Variants in MAD1L1 observed in about 807,000 individuals in gnomAD.
MAD1L1 encodes the protein mitotic spindle assembly checkpoint protein MAD1.
Under a neutral mutation model 96.9 loss-of-function variants are expected in MAD1L1, and 95 were observed. That is an observed-to-expected ratio of 0.98 (90% confidence interval 0.83 to 1.16). The LOEUF (loss-of-function observed/expected upper bound fraction) is 1.16, where lower values mean the gene tolerates loss of function less well. Ranked by LOEUF, MAD1L1 falls within the 50% of genes most tolerant of loss-of-function variation. The pLI, the probability that MAD1L1 is intolerant of heterozygous loss-of-function variation, is 0.00. For missense variants in MAD1L1, 1,007 were observed against 954.4 expected, an observed-to-expected ratio of 1.06 and a Z score of -0.73; for synonymous variants, 473 against 396.6, an observed-to-expected ratio of 1.19 and a Z score of -2.29.
chr7:2,117,440 T>G (rs1787764734), intron 11 of MAD1L1, among the ~76,000 whole-genome samples: 1 of 152,190 alleles, frequency 6.6e-6, no homozygotes, highest in Non-Finnish European at 1.5e-5. Context: ...TATGATATGG[T>G]CTGACTGTGT....
rs748289049 is a variant in MAD1L1 at position 1,817,866 on chromosome 7, CCGCCCTGATGGTGT to C, written c.1999-1652_1999-1639del. 8.5e-5 allele frequency among the ~76,000 whole-genome samples: 13 copies of C among 152,086 alleles called. No individual in the cohort carries two copies. In the East Asian group the frequency reaches 1.2e-3, roughly 14 times the overall value. Reference sequence around the variant, plus strand: ...CACCGGAGCATGCCTGGGCTGGGCCCCGCCCTGATGGTGTCGCCCCTCCCCTCACCACCTTTGGA... The same window carrying C: ...CACCGGAGCATGCCTGGGCTGGGCCCCGCCCCTCCCCTCACCACCTTTGGA... On this transcript the variant is annotated intron_variant, in intron 18 of 18. Transcript: ENST00000265854.
At chr7:2,127,473 C>T (rs1195991350) in intron 11 of MAD1L1, among the ~76,000 whole-genome samples, 1 of 152,154 alleles carries the variant, frequency 6.6e-6, no homozygotes, top group Non-Finnish European at 1.5e-5. Context: ...TCGTGCTGTG[C>T]CACGGAGGAG....
intron 15 of MAD1L1, among the ~76,000 whole-genome samples, chr7:1,966,557 T>C (rs1200904674): frequency 1.7e-5 from 1 of 58,656 alleles, no homozygotes; most frequent in East Asian, 4.3e-4. Flanking sequence ...ATCCCAAACT[T>C]GGCAAAAAAA....
At chr7:2,106,227 G>A in intron 11 of MAD1L1, among the ~76,000 whole-genome samples, 1 of 151,898 alleles carries the variant, frequency 6.6e-6, no homozygotes, top group South Asian at 2.1e-4. Flanking sequence ...CCCCTCCACT[G>A]CGTCGGTGCC....
intron 9 of MAD1L1, among the ~76,000 whole-genome samples, chr7:2,214,116 T>C (rs950594858): frequency 4.6e-5 from 7 of 152,224 alleles, no homozygotes; most frequent in African/African-American, 1.7e-4. Flanking sequence ...CATAGACTCA[T>C]GTGAGCCTCA....
intron 10 of MAD1L1, among the ~76,000 whole-genome samples, chr7:2,187,041 C>T (rs1442244748): frequency 6.6e-6 from 1 of 152,120 alleles, no homozygotes; most frequent in South Asian, 2.1e-4. Context: ...GATCTGCCCA[C>T]CTTGGCCTCC....
chr7:2,213,875 C>T (rs1189013971), intron 9 of MAD1L1, among the ~76,000 whole-genome samples: 1 of 152,244 alleles, frequency 6.6e-6, no homozygotes, highest in Non-Finnish European at 1.5e-5. Context: ...AGTCTCACGG[C>T]CCTTCTAGGA....
At chr7:2,143,619 G>A (rs1003027059) in intron 11 of MAD1L1, among the ~76,000 whole-genome samples, 9 of 151,760 alleles carry the variant, frequency 5.9e-5, no homozygotes, top group Admixed American at 6.6e-5. Context: ...TCCTCCTGAC[G>A]CTGCCCAGGC....
chr7:2,068,053 G>C (rs1286641512), intron 12 of MAD1L1, among the ~76,000 whole-genome samples: 1 of 152,256 alleles, frequency 6.6e-6, no homozygotes, highest in African/African-American at 2.4e-5. Context: ...AACGTACCGT[G>C]CCTGACCATG....
chr7:1,921,937 ATTAT>A (rs2128456786), intron 17 of MAD1L1, among the ~76,000 whole-genome samples: 1 of 152,368 alleles, frequency 6.6e-6, no homozygotes, highest in East Asian at 1.9e-4. Flanking sequence ...AGAAAATAGA[ATTAT>A]TTATCAAATC....
intron 12 of MAD1L1, among the ~76,000 whole-genome samples, chr7:2,041,762 GAGT>G (rs1783683780): frequency 6.6e-6 from 1 of 152,194 alleles, no homozygotes; most frequent in Non-Finnish European, 1.5e-5. Flanking sequence ...TGCCCGAGAG[GAGT>G]AGAAAACTCC....
Position 1,929,721 on chromosome 7 carries a change from CAT to C in MAD1L1, c.1807+6964_1807+6965del, listed in dbSNP as rs1554297824. 4.3e-3 allele frequency among the ~76,000 whole-genome samples: 641 copies of C among 149,832 alleles called. 7 individuals are homozygous for C. Among genetic ancestry groups the C allele is most frequent in the Middle Eastern group, 0.011 (3 of 280 alleles). Reference sequence around the variant, plus strand: ...AGCCCCGCTGCCACGTCCCCTCGCCCATCCCCCACTGCCACGTCCCCTCGCCC... The same window carrying C: ...AGCCCCGCTGCCACGTCCCCTCGCCCCCCCCACTGCCACGTCCCCTCGCCC... On this transcript the variant is annotated intron_variant, in intron 17 of 18. Transcript: ENST00000265854.
chr7:1,944,858 C>T (rs531917981), intron 16 of MAD1L1, among the ~76,000 whole-genome samples: 8 of 152,346 alleles, frequency 5.3e-5, no homozygotes, highest in Admixed American at 3.3e-4. Flanking sequence ...TGCAGGCCAC[C>T]TCTGCAGCTG....
intron 16 of MAD1L1, among the ~76,000 whole-genome samples, chr7:1,937,113 G>A (rs2067948): frequency 0.27 from 41,594 of 152,128 alleles, 6,311 homozygotes; most frequent in Middle Eastern, 0.39. Context: ...GCAGGAACAA[G>A]GCCTGGCCAC....
chr7:1,984,710 T>C (rs1346811691), intron 14 of MAD1L1, among the ~76,000 whole-genome samples: 1 of 152,258 alleles, frequency 6.6e-6, no homozygotes, highest in African/African-American at 2.4e-5. Flanking sequence ...CTTCCCGTAC[T>C]TTCCAACATG....
intron 12 of MAD1L1, among the ~76,000 whole-genome samples, chr7:2,059,537 G>C (rs1051446483): frequency 3.4e-4 from 51 of 149,648 alleles, no homozygotes; most frequent in Admixed American, 6.7e-4. Context: ...GGCCAGGGGA[G>C]AGGAGAGGCA....
At chr7:2,180,529 C>T (rs994606840) in intron 10 of MAD1L1, among the ~76,000 whole-genome samples, 1 of 152,126 alleles carries the variant, frequency 6.6e-6, no homozygotes, top group African/African-American at 2.4e-5. Flanking sequence ...TGAGAGTTTT[C>T]AAATGTGAAA....
At chr7:2,102,836 C>G (rs899495378) in intron 11 of MAD1L1, among the ~76,000 whole-genome samples, 1 of 152,206 alleles carries the variant, frequency 6.6e-6, no homozygotes, top group African/African-American at 2.4e-5. Context: ...CCACTCTCCA[C>G]GCCATCCTCA....
rs114317444 is a variant in MAD1L1 at position 2,123,801 on chromosome 7, G to A, written c.1073+25351C>T. On this transcript the variant is annotated intron_variant, in intron 11 of 18. Coordinates refer to ENST00000265854, the MANE Select transcript of MAD1L1 (RefSeq NM_001013836.2). ...GGTAAATGCCTCCCAATCTGTTCCT[G>A]CTGTGCAAAGAATCAGCGCTGTTTA... Among the ~76,000 whole-genome samples the A allele has an allele frequency of 1.9e-3, 287 of 152,354 alleles. 1 individual carries two copies. Among genetic ancestry groups the A allele is most frequent in the African/African-American group, 6.8e-3 (281 of 41,578 alleles).
Sources: gnomAD v4.1 joint callset for allele counts (sites outside exome capture counted in the v4.1 genomes callset) on GRCh38, gnomAD v4.1.1 for gene constraint, MANE v1.5 for transcripts, NCBI Gene and HGNC (gene_info 2026-07-23, HGNC 2026-07-21) for gene names.